Variants in TRAPPC9 observed in about 807,000 individuals in gnomAD.
TRAPPC9 encodes the protein trafficking protein particle complex subunit 9.
Under a neutral mutation model 124.0 loss-of-function variants are expected in TRAPPC9, and 83 were observed. That is an observed-to-expected ratio of 0.67 (90% CI 0.56 to 0.80). The LOEUF is 0.80. TRAPPC9 is among the 30% of genes least tolerant of loss of function. The pLI, the probability that TRAPPC9 is intolerant of heterozygous loss-of-function variation, is 0.00. For synonymous variants in TRAPPC9, 638 were observed against 617.5 expected, an observed-to-expected ratio of 1.03 and a Z score of -0.49; for missense variants, 1,302 against 1,508.3, an observed-to-expected ratio of 0.86 and a Z score of 2.27.
chr8:140,061,368 T>C (rs1446914855), intron 17 of TRAPPC9, among the ~76,000 whole-genome samples: 1 of 152,182 alleles, frequency 6.6e-6, no homozygotes, highest in African/African-American at 2.4e-5. Flanking sequence ...ATCAAGAGCA[T>C]TTCGTGAATA....
chr8:140,080,558 T>C (rs1468708409), intron 17 of TRAPPC9, among the ~76,000 whole-genome samples: 2 of 152,164 alleles, frequency 1.3e-5, no homozygotes, highest in African/African-American at 4.8e-5. Context: ...TCTTGCTTTA[T>C]AACAACCCAC....
chr8:140,444,069 G>A (rs1249171597), intron 2 of TRAPPC9, among the ~76,000 whole-genome samples: 7 of 147,342 alleles, frequency 4.8e-5, no homozygotes, highest in Admixed American at 2.7e-4. Context: ...AAGATTAGCC[G>A]GGCATGGTGG....
rs191167434 is a variant in TRAPPC9 at position 139,828,273 on chromosome 8, T to C, written c.3055+57606A>G. 3.5e-3 allele frequency among the ~76,000 whole-genome samples: 527 copies of C among 152,332 alleles called. 3 individuals carry two copies. Among genetic ancestry groups the C allele is most frequent in the African/African-American group, 0.012 (511 of 41,564 alleles). On this transcript the variant is annotated intron_variant, in intron 21 of 22. Coordinates refer to ENST00000438773, the MANE Select transcript of TRAPPC9 (RefSeq NM_001160372.4). ...GGTACACAGAGGTCCTCAGTTTGTATTGGCTTGTCCTGAACTGGCGTGAGG... is the reference window on the plus strand; with the variant it reads ...GGTACACAGAGGTCCTCAGTTTGTACTGGCTTGTCCTGAACTGGCGTGAGG...
chr8:140,314,441 G>A (rs776966773), intron 9 of TRAPPC9, among the ~76,000 whole-genome samples: 1 of 152,072 alleles, frequency 6.6e-6, no homozygotes, highest in Non-Finnish European at 1.5e-5. Context: ...AACATTTATC[G>A]GTTCTTTGTG....
chr8:139,784,025 A>G (rs1359034098), intron 21 of TRAPPC9, among the ~76,000 whole-genome samples: 6 of 152,242 alleles, frequency 3.9e-5, no homozygotes, highest in Non-Finnish European at 7.3e-5. Context: ...CATCTCTGAA[A>G]ATCCACAGAC....
chr8:139,823,950 A>C (rs1203870894), intron 21 of TRAPPC9, among the ~76,000 whole-genome samples: 2 of 152,182 alleles, frequency 1.3e-5, no homozygotes, highest in African/African-American at 4.8e-5. Context: ...TGCTGGACTG[A>C]CTGCTGAGAA....
chr8:140,309,077 C>T (rs934649094), intron 10 of TRAPPC9, among the ~76,000 whole-genome samples: 1 of 152,120 alleles, frequency 6.6e-6, no homozygotes, highest in African/African-American at 2.4e-5. Flanking sequence ...CTTGCCCAAA[C>T]GGTAGACTGT....
chr8:139,812,293 C>A (rs372443258), intron 21 of TRAPPC9, among the ~76,000 whole-genome samples: 2 of 152,122 alleles, frequency 1.3e-5, no homozygotes, highest in African/African-American at 2.4e-5. Flanking sequence ...GAAAAACAAT[C>A]GCATTGTCAC....
At chr8:140,153,647 T>C (rs1305553467) in intron 17 of TRAPPC9, among the ~76,000 whole-genome samples, 1 of 152,214 alleles carries the variant, frequency 6.6e-6, no homozygotes, top group Non-Finnish European at 1.5e-5. Context: ...TATGGCATTG[T>C]TGAATGAATG....
chr8:139,817,756 GCTCACTCCT>G (rs1461341014), intron 21 of TRAPPC9, among the ~76,000 whole-genome samples: 3 of 152,226 alleles, frequency 2.0e-5, no homozygotes, highest in African/African-American at 7.2e-5. Context: ...GCCATGAGCT[GCTCACTCCT>G]CTATGGGATG....
intron 8 of TRAPPC9, among the ~76,000 whole-genome samples, chr8:140,361,096 T>C (rs960198320): frequency 6.6e-6 from 1 of 152,230 alleles, no homozygotes; most frequent in African/African-American, 2.4e-5. Flanking sequence ...ACAGACTGGC[T>C]AATCACTGCT....
chr8:140,417,373 A>G (rs554392593), intron 5 of TRAPPC9, among the ~76,000 whole-genome samples: 46 of 152,320 alleles, frequency 3.0e-4, no homozygotes, highest in Non-Finnish European at 5.3e-4. Context: ...GAAAAAAACA[A>G]CCCCATCAAA....
In TRAPPC9 at chr8:140,377,292, C is replaced by CTT. The variant is rs112138031; in HGVS notation, c.1135-6114_1135-6113dup. Among the ~76,000 whole-genome samples the CTT allele has an allele frequency of 5.3e-5, 8 of 150,212 alleles. No homozygotes were observed. The South Asian group carries it at 1.3e-3, about 24-fold the overall frequency. On this transcript the variant is annotated intron_variant, in intron 7 of 22. Coordinates refer to ENST00000438773, the MANE Select transcript of TRAPPC9 (RefSeq NM_001160372.4). ...CTTTCCATACCAGAGTTCTCAGTTTCTTTTTTTTTTCTTCTCTTTTTTTGA... is the reference window on the plus strand; with the variant it reads ...CTTTCCATACCAGAGTTCTCAGTTTCTTTTTTTTTTTTCTTCTCTTTTTTTGA...
chr8:140,389,020 C>T (rs530637853), intron 7 of TRAPPC9, among the ~76,000 whole-genome samples: 7 of 143,344 alleles, frequency 4.9e-5, no homozygotes, highest in East Asian at 4.3e-4. Flanking sequence ...TGCAATGGCG[C>T]GATCTCAGCT....
At chr8:140,396,242 C>T (rs1034785895) in intron 7 of TRAPPC9, among the ~76,000 whole-genome samples, 6 of 150,292 alleles carry the variant, frequency 4.0e-5, no homozygotes, top group African/African-American at 7.3e-5. Context: ...CCCAGGTTCA[C>T]GCCATTCTCC....
At chr8:140,076,602 G>A (rs145499386) in intron 17 of TRAPPC9, among the ~76,000 whole-genome samples, 12 of 152,316 alleles carry the variant, frequency 7.9e-5, no homozygotes, top group Admixed American at 3.3e-4. Context: ...GTGCCCATCT[G>A]AAACTCAGAG....
At chr8:139,918,434 A>G (rs1013566388) in intron 19 of TRAPPC9, among the ~76,000 whole-genome samples, 2 of 152,238 alleles carry the variant, frequency 1.3e-5, no homozygotes, top group African/African-American at 2.4e-5. Flanking sequence ...CGGAGATCCT[A>G]TATCACTACC....
intron 13 of TRAPPC9, among the ~76,000 whole-genome samples, chr8:140,286,766 G>A (rs1428178951): frequency 4.6e-5 from 7 of 152,196 alleles, no homozygotes; most frequent in Admixed American, 2.0e-4. Context: ...AGGGCTGGAG[G>A]TGCAGGCTGG....
intron 7 of TRAPPC9, among the ~76,000 whole-genome samples, chr8:140,393,964 G>T (rs372107809): frequency 1.3e-5 from 2 of 152,118 alleles, no homozygotes; most frequent in African/African-American, 4.8e-5. Context: ...GTCCCCGCCC[G>T]CCCAGCATGG....
Sources: allele counts gnomAD v4.1 joint callset (sites outside exome capture counted in the v4.1 genomes callset), GRCh38; gene constraint gnomAD v4.1.1; transcripts MANE v1.5; gene names NCBI Gene and HGNC (gene_info 2026-07-23, HGNC 2026-07-21).